Variants in LRRC3B observed in about 807,000 individuals in gnomAD.
LRRC3B encodes the protein leucine rich repeat containing 3B, also known as leucine-rich repeat-containing protein 3B.
Under a neutral mutation model 12.8 loss-of-function variants are expected in LRRC3B, and 2 were observed. The ratio of observed to expected loss-of-function variants is 0.16; its 90% confidence interval spans 0.06 to 0.49. The LOEUF (loss-of-function observed/expected upper bound fraction) is 0.49, where lower values mean the gene tolerates loss of function less well. LRRC3B is among the 20% of genes least tolerant of loss of function. The pLI, the probability that LRRC3B is intolerant of heterozygous loss-of-function variation, is 0.96. For missense variants in LRRC3B, 189 were observed against 319.4 expected (o/e 0.59, Z 3.11); for synonymous variants, 132 against 122.0 (o/e 1.08, Z -0.54).
intron 1 of LRRC3B, among the ~76,000 whole-genome samples, chr3:26,707,208 A>AC (rs1559375341): frequency 6.6e-6 from 1 of 150,654 alleles, no homozygotes; most frequent in African/African-American, 2.4e-5. Context: ...AGAAAAAAAA[A>AC]AAAAAAAATA....
intron 1 of LRRC3B, among the ~76,000 whole-genome samples, chr3:26,638,941 A>C (rs1469008331): frequency 6.6e-6 from 1 of 152,226 alleles, no homozygotes; most frequent in African/African-American, 2.4e-5. Flanking sequence ...GCTACCCTGA[A>C]GGTTGCTTTG....
intron 1 of LRRC3B, among the ~76,000 whole-genome samples, chr3:26,706,335 C>G (rs1035935785): frequency 1.3e-5 from 2 of 152,158 alleles, no homozygotes; most frequent in African/African-American, 2.4e-5. Flanking sequence ...TCCCAGGGCT[C>G]AGCTCTCTAC....
intron 1 of LRRC3B, among the ~76,000 whole-genome samples, chr3:26,628,494 T>C (rs1698679850): frequency 6.6e-6 from 1 of 150,494 alleles, no homozygotes; most frequent in African/African-American, 2.4e-5. Flanking sequence ...TAAAAAAATA[T>C]AAAATATCTT....
intron 1 of LRRC3B, among the ~76,000 whole-genome samples, chr3:26,707,059 A>G (rs1055140374): frequency 2.0e-5 from 3 of 152,114 alleles, no homozygotes; most frequent in Admixed American, 2.0e-4. Context: ...TTTTACTACC[A>G]ATTTCGTACT....
At position 26,661,955 on chromosome 3, in the gene LRRC3B, C is replaced by A. The variant is rs1012224041; in HGVS notation, c.-161+38718C>A. Among the ~76,000 whole-genome samples the A allele has an allele frequency of 7.2e-5, 11 of 152,270 alleles. 1 individual carries two copies. The East Asian group carries it at 2.1e-3, about 29-fold the overall frequency. Reference sequence around the variant, plus strand: ...ATAAAGAGATGTTTTCTCAGAGTTACAGGTTCTGACCTCTGTGACTCCTCA... The same window carrying A: ...ATAAAGAGATGTTTTCTCAGAGTTAAAGGTTCTGACCTCTGTGACTCCTCA... On this transcript the variant is annotated intron_variant, in intron 1 of 1. Transcript: ENST00000396641.
chr3:26,686,935 T>C (rs1700100369), intron 1 of LRRC3B, among the ~76,000 whole-genome samples: 1 of 152,314 alleles, frequency 6.6e-6, no homozygotes, highest in South Asian at 2.1e-4. Flanking sequence ...TCATTGGATG[T>C]GGGCTGTTTC....
Position 26,645,042 on chromosome 3 carries a change from A to C in LRRC3B, c.-161+21805A>C, listed in dbSNP as rs140569986. Among the ~76,000 whole-genome samples the C allele has an allele frequency of 2.0e-3, 309 of 152,274 alleles. 1 individual carries two copies. The highest frequency in any genetic ancestry group is 7.1e-3 in the African/African-American group (297 of 41,562). The stretch of plus-strand genomic sequence containing the variant: ...GACAAAGACACAGACATACATCCAT[A>C]CATGGAGAGGGAAAGCAAACATGAC... On this transcript the variant is annotated intron_variant, in intron 1 of 1. Transcript: ENST00000396641.
chr3:26,627,287 G>A (rs1482923004), intron 1 of LRRC3B, among the ~76,000 whole-genome samples: 15 of 152,166 alleles, frequency 9.9e-5, no homozygotes, highest in Admixed American at 9.8e-4. Context: ...CAAAAAGTCA[G>A]CCAGGGTAAA....
chr3:26,694,958 TATC>T (rs1263650639), intron 1 of LRRC3B, among the ~76,000 whole-genome samples: 3 of 152,190 alleles, frequency 2.0e-5, no homozygotes, highest in Non-Finnish European at 4.4e-5. Context: ...TTCTCCTTAA[TATC>T]ATCAACCCCC....
intron 1 of LRRC3B, among the ~76,000 whole-genome samples, chr3:26,704,870 C>G (rs143292187): frequency 6.6e-6 from 1 of 152,002 alleles, no homozygotes; most frequent in Non-Finnish European, 1.5e-5. Context: ...GGTTTTTCCC[C>G]GTTGATTTGA....
intron 1 of LRRC3B, among the ~76,000 whole-genome samples, chr3:26,668,724 A>G (rs1447981512): frequency 1.3e-5 from 2 of 152,192 alleles, no homozygotes; most frequent in African/African-American, 4.8e-5. Context: ...AAAGTTTGGA[A>G]AATACAGAAA....
intron 1 of LRRC3B, among the ~76,000 whole-genome samples, chr3:26,697,713 A>G (rs1369373822): frequency 5.9e-5 from 9 of 152,164 alleles, no homozygotes; most frequent in African/African-American, 1.7e-4. Context: ...TCAGAGTACA[A>G]AATCTCATCT....
intron 1 of LRRC3B, among the ~76,000 whole-genome samples, chr3:26,695,266 G>A (rs958447216): frequency 7.9e-5 from 12 of 152,088 alleles, no homozygotes; most frequent in Non-Finnish European, 1.0e-4. Context: ...GGTGGCTCAC[G>A]CCTGTAATCC....
intron 1 of LRRC3B, among the ~76,000 whole-genome samples, chr3:26,655,495 C>T (rs557871877): frequency 4.6e-5 from 7 of 152,320 alleles, no homozygotes; most frequent in Admixed American, 1.3e-4. Context: ...TACTGATAAG[C>T]AGATCTTACT....
rs1553605090 is a variant in LRRC3B at position 26,691,105 on chromosome 3, GTATATATATATATATATA to G, written c.-160-18396_-160-18379del. ...TGTGTGTGTATATGTGTGTGTGTGT[GTATATATATATATATATA>G]TATATATATATGAGACAGGATAAAT... On this transcript the variant is annotated intron_variant, in intron 1 of 1. Coordinates refer to ENST00000396641, the Ensembl canonical transcript of LRRC3B. Among the ~76,000 whole-genome samples, 385 of 84,834 alleles carry G rather than the reference GTATATATATATATATATA, an allele frequency of 4.5e-3. 3 individuals are homozygous for G. Among genetic ancestry groups the G allele is most frequent in the South Asian group, 7.4e-3 (15 of 2,038 alleles). 55.7% of individuals were successfully genotyped at this position (84,834 alleles called of 152,430 possible). A position where few individuals can be genotyped will look rare whatever the true frequency, so the allele number is the denominator to read the frequency against.
chr3:26,707,446 T>TTGTC (rs1306235557), intron 1 of LRRC3B, among the ~76,000 whole-genome samples: 1 of 152,174 alleles, frequency 6.6e-6, no homozygotes, highest in East Asian at 1.9e-4. Flanking sequence ...TTGCTTACTA[T>TTGTC]TGTCTCTGCA....
At chr3:26,710,381 G>A (rs760377591) in exon 2 of LRRC3B, 89 of 1,613,824 alleles carry the variant, frequency 5.5e-5, no homozygotes, top group Non-Finnish European at 7.0e-5. Flanking sequence ...GAGACACCTC[G>A]AATACTTGAA....
At chr3:26,636,959 T>TTTCC (rs1698909265) in intron 1 of LRRC3B, among the ~76,000 whole-genome samples, 2 of 125,112 alleles carry the variant, frequency 1.6e-5, no homozygotes, top group African/African-American at 6.4e-5. Context: ...TCTTTCTTTC[T>TTTCC]TTCTTTCTTT....
chr3:26,691,138 A>G (rs1449320897), intron 1 of LRRC3B, among the ~76,000 whole-genome samples: 1 of 45,306 alleles, frequency 2.2e-5, no homozygotes, highest in Non-Finnish European at 4.7e-5. Context: ...TATATATGAG[A>G]CAGGATAAAT....
Sources: gnomAD v4.1 joint callset for allele counts (sites outside exome capture counted in the v4.1 genomes callset) on GRCh38, gnomAD v4.1.1 for gene constraint, MANE v1.5 for transcripts, NCBI Gene and HGNC (gene_info 2026-07-23, HGNC 2026-07-21) for gene names.